Variants in PKD1 observed in about 807,000 individuals in gnomAD.
The protein encoded by PKD1 is polycystin-1.
PKD1 carries 81 observed loss-of-function variants against 361.7 expected under a neutral mutation model. That is an observed-to-expected ratio of 0.22 (90% CI 0.19 to 0.27). The LOEUF (loss-of-function observed/expected upper bound fraction) is 0.27, where lower values mean the gene tolerates loss of function less well. Ranked by LOEUF, PKD1 falls within the 10% of genes least tolerant of loss-of-function variation. The probability of loss-of-function intolerance (pLI) is 1.00; values close to 1 mark genes in which losing one functional copy is unlikely to be tolerated. For synonymous variants in PKD1, 3,615 were observed against 2,818.3 expected (o/e 1.28, Z -8.95); for missense variants, 6,399 against 6,118.3 (o/e 1.05, Z -1.53).
intron 1 of PKD1, among the ~76,000 whole-genome samples, chr16:2,128,869 A>ATT (rs58863130): frequency 2.8e-5 from 4 of 144,846 alleles, no homozygotes. Flanking sequence ...CACGCTCAGC[A>ATT]TTTTTTTTTT....
intron 22 of PKD1, 28 bp from the exon 23 acceptor site, chr16:2,103,923 A>G (rs777842293): frequency 9.8e-6 from 12 of 1,222,442 alleles, no homozygotes; most frequent in Non-Finnish European, 1.1e-5. Context: ...GTCAGTGCAG[A>G]GACAGGGAGG....
chr16:2,115,449 G>GTAGCCC lies in PKD1; in HGVS notation c.2020_2025dup (p.Gly674_Leu675dup), dbSNP rs1567212718. 1 of 1,598,890 alleles carries GTAGCCC rather than the reference G, an allele frequency of 6.3e-7. No individual in the cohort carries two copies. The highest frequency in any genetic ancestry group is 8.5e-7 in the Non-Finnish European group (1 of 1,174,378). ...CTCCATAGCGCATAGGGGGCCCCGG[G>GTAGCCC]TAGCCCTGGCCCTGACGTGCAGCCA... is the stretch of plus-strand genomic sequence containing the variant. On this transcript the variant is annotated inframe_insertion, in exon 10 of 46. Transcript: ENST00000262304.
Position 2,093,562 on chromosome 16 carries a change from C to T in PKD1, c.10998G>A (p.Arg3666=), listed in dbSNP as rs758118831. Reference sequence around the variant, plus strand: ...GGCTCACCCGCAGCATGCCATGTAGCCTCTTGACCTTGCGGGCTTCTTCCT... The same window carrying T: ...GGCTCACCCGCAGCATGCCATGTAGTCTCTTGACCTTGCGGGCTTCTTCCT... ...LAKEEARKVK[R]LHGMLRSLLV... The change falls in exon 37 of 46, where the codon AGG becomes AGA. Residue 3666 remains arginine (R), a synonymous_variant. Coordinates refer to ENST00000262304, the MANE Select transcript of PKD1 (RefSeq NM_001009944.3). The T allele has an allele frequency of 1.9e-6, 3 of 1,604,398 alleles. No individual in the cohort carries two copies. Among genetic ancestry groups the T allele is most frequent in the East Asian group, 4.5e-5 (2 of 44,600 alleles).
intron 1 of PKD1, chr16:2,120,041 G>A (rs529730022): frequency 5.0e-4 from 295 of 589,456 alleles, no homozygotes; most frequent in Non-Finnish European, 7.8e-4. Context: ...GTGAGACCCC[G>A]TATCTACAAA....
In PKD1 at chr16:2,103,288, C is replaced by T; in HGVS notation, c.8769G>A (p.Gln2923=). 1 of 1,609,706 alleles carries T rather than the reference C, an allele frequency of 6.2e-7. No individual in the cohort carries two copies. Among genetic ancestry groups the T allele is most frequent in the Non-Finnish European group, 8.5e-7 (1 of 1,179,704 alleles). The stretch of plus-strand genomic sequence containing the variant: ...CACCGTCCAGCAGCGTATAGTTGAG[C>T]TGCAGATGCAGCCCGGCCGCAGGGT... ...SSNPAAGLHL[Q]LNYTLLDGHY... The change falls in exon 23 of 46, where the codon CAG becomes CAA. Residue 2923 remains glutamine (Q), a synonymous_variant. Transcript: ENST00000262304.
chr16:2,098,164 C>G (rs1211651983), intron 30 of PKD1, 180 bp from the exon 31 acceptor site: 1 of 605,962 alleles, frequency 1.7e-6, no homozygotes, highest in African/African-American at 1.8e-5. Context: ...ACGTGTGCCA[C>G]TGAACACTTG....
At position 2,089,907 on chromosome 16, in the gene PKD1, G is replaced by A. The variant is rs1431636556; in HGVS notation, c.12732C>T (p.His4244=). ...GGCTGCTCCTGCGGCCTTGCAGGCT[G>A]TGCAGCTGCTGCTCCAGCTGGTAGA... The part of the protein sequence containing the change: ...EDVYQLEQQL[H]SLQGRRSSRA... Residue 4244 remains histidine (H), a synonymous_variant, in exon 46 of 46, where the codon CAC becomes CAT. Transcript: ENST00000262304. The A allele has an allele frequency of 3.4e-5, 54 of 1,611,648 alleles. No individual in the cohort carries two copies. Among genetic ancestry groups the A allele is most frequent in the Non-Finnish European group, 4.4e-5 (52 of 1,179,644 alleles).
chr16:2,106,624 G>A lies in PKD1; in HGVS notation c.7263C>T (p.Thr2421=), dbSNP rs1305794811. ...SNKTLVLDET[T]TSTGSAGMRL... ...GCATGCCTGCACTGCCCGTGGATGT[G>A]GTGGTCTCATCCAGCACCAGCGTCT... Residue 2421 remains threonine (T), a synonymous_variant, in exon 18 of 46, where the codon ACC becomes ACT. Coordinates refer to ENST00000262304, the MANE Select transcript of PKD1 (RefSeq NM_001009944.3). The surrounding 1 kb of genome is among the most constrained non-coding windows in gnomAD (Gnocchi z 6.5). 12 of 1,598,434 alleles carry A rather than the reference G, an allele frequency of 7.5e-6. No homozygotes were observed. Among genetic ancestry groups the A allele is most frequent in the African/African-American group, 1.3e-5 (1 of 74,806 alleles).
chr16:2,096,201 T>A (rs1390932248), intron 34 of PKD1, among the ~76,000 whole-genome samples: 1 of 152,262 alleles, frequency 6.6e-6, no homozygotes, highest in Non-Finnish European at 1.5e-5. Flanking sequence ...AGGGCGTAGT[T>A]ACCCAAACCC....
chr16:2,092,921 C>T, intron 38 of PKD1, 33 bp downstream of exon 38: 1 of 1,612,560 alleles, frequency 6.2e-7, no homozygotes, highest in Non-Finnish European at 8.5e-7. Flanking sequence ...AACTAAAGCC[C>T]AGAAGACAGA....
At chr16:2,130,108 G>A (rs1321660521) in intron 1 of PKD1, among the ~76,000 whole-genome samples, 5 of 152,196 alleles carry the variant, frequency 3.3e-5, no homozygotes, top group African/African-American at 1.2e-4. Context: ...CAAGTTTGGC[G>A]AGTTTGCATC....
rs778271516 is a variant in PKD1, at chr16:2,102,799, G to T, written c.8948+15C>A. ...TGCCCTGCCCTGCCCTGCCAGGCTG[G>T]CCCGCAGAGCTCACCCCGGGGAAAT... On this transcript the variant is annotated intron_variant, in intron 24 of 45. Transcript: ENST00000262304. 1.2e-6 allele frequency: 2 copies of T among 1,609,820 alleles called. No individual in the cohort carries two copies. Among genetic ancestry groups the T allele is most frequent in the Non-Finnish European group, 8.5e-7 (1 of 1,179,670 alleles).
chr16:2,091,184 G>C lies in PKD1; in HGVS notation c.11713-10C>G, dbSNP rs1473504987. The C allele has an allele frequency of 2.1e-6, 3 of 1,405,532 alleles. No individual in the cohort carries two copies. Among genetic ancestry groups the C allele is most frequent in the Admixed American group, 3.1e-5 (1 of 32,300 alleles). 87.1% of individuals were successfully genotyped at this position (1,405,532 alleles called of 1,614,324 possible). A position where few individuals can be genotyped will look rare whatever the true frequency, so the allele number is the denominator to read the frequency against. On this transcript the variant is annotated splice_polypyrimidine_tract_variant and intron_variant, in intron 42 of 45. Transcript: ENST00000262304. Reference sequence around the variant, plus strand: ...ACAGCAGCAGGCACACCTGTGGGGGGCGCGGTCAGGAGGGCGGGAGGGACG... The same window carrying C: ...ACAGCAGCAGGCACACCTGTGGGGGCCGCGGTCAGGAGGGCGGGAGGGACG...
In PKD1 at chr16:2,102,412, A is replaced by G. The variant is rs758627119; in HGVS notation, c.9170T>C (p.Val3057Ala). The change falls in exon 25 of 46, where the codon GTG becomes GCG. Residue 3057 changes from valine (V) to alanine (A), a missense_variant. Val to Ala is a moderately conservative substitution (Grantham distance 64). Transcript: ENST00000262304. Reference sequence around the variant, plus strand: ...CACAAAGCGGACATGGCTTGGGGGCACGAAGAGGCTGGCGCCGAAGGCGGT... The same window carrying G: ...CACAAAGCGGACATGGCTTGGGGGCGCGAAGAGGCTGGCGCCGAAGGCGGT... ...HLTAFGASLF[V>A]PPSHVRFVFP... 2 of 1,556,814 alleles carry G rather than the reference A, an allele frequency of 1.3e-6. No homozygotes were observed. The highest frequency in any genetic ancestry group is 2.3e-5 in the South Asian group (2 of 85,222).
chr16:2,133,983 C>T (rs2092919267), intron 1 of PKD1, among the ~76,000 whole-genome samples: 1 of 149,578 alleles, frequency 6.7e-6, no homozygotes, highest in South Asian at 2.1e-4. Context: ...TGAGGGGCTG[C>T]TCTCATGGAC....
Position 2,118,514 on chromosome 16 carries a change from C to G in PKD1, c.530-52G>C. The G allele has an allele frequency of 7.0e-7, 1 of 1,425,060 alleles. No homozygotes were observed. The highest frequency in any genetic ancestry group is 1.2e-5 in the South Asian group (1 of 82,654). The allele number at this position is 1,425,060 out of a possible 1,614,324, so 88.3% of individuals were successfully genotyped here. On this transcript the variant is annotated intron_variant, in intron 4 of 45. Coordinates refer to ENST00000262304, the MANE Select transcript of PKD1 (RefSeq NM_001009944.3). The surrounding 1 kb of genome is among the most constrained non-coding windows in gnomAD (Gnocchi z 6.0). Reference sequence around the variant, plus strand: ...GGTTCTGCTCCTCCTGGCTCCACCCCACGCCCCCACATCCGCCCGCCGCAC... The same window carrying G: ...GGTTCTGCTCCTCCTGGCTCCACCCGACGCCCCCACATCCGCCCGCCGCAC...
chr16:2,110,715 C>A lies in PKD1; in HGVS notation c.4452G>T (p.Pro1484=), dbSNP rs201988915. The A allele has an allele frequency of 3.0e-5, 49 of 1,609,918 alleles. No individual in the cohort carries two copies. In the South Asian group the frequency reaches 4.5e-4, roughly 15 times the overall value. Residue 1484 remains proline, a synonymous_variant, in exon 15 of 46, where the codon CCG becomes CCT. Transcript: ENST00000262304. ...CACGGCCCACAGCAGAGAACAGGTACGGCTGCTGCAGCTCCAGCCCAAGGG... is the reference window on the plus strand; with the variant it reads ...CACGGCCCACAGCAGAGAACAGGTAAGGCTGCTGCAGCTCCAGCCCAAGGG... ...NGSLGLELQQ[P]YLFSAVGRGR...
In PKD1 at chr16:2,089,919, C is replaced by T; in HGVS notation, c.12720G>A (p.Glu4240=). ...GGCCTTGCAGGCTGTGCAGCTGCTG[C>T]TCCAGCTGGTAGACGTCCTCTGTGG... ...NQATEDVYQL[E]QQLHSLQGRR... The change falls in exon 46 of 46, where the codon GAG becomes GAA. Residue 4240 remains glutamate (E), a synonymous_variant. Transcript: ENST00000262304. 2 of 1,612,080 alleles carry T rather than the reference C, an allele frequency of 1.2e-6. No individual in the cohort carries two copies. Among genetic ancestry groups the T allele is most frequent in the African/African-American group, 1.3e-5 (1 of 75,060 alleles).
chr16:2,122,207 G>A (rs1204216007), intron 1 of PKD1, among the ~76,000 whole-genome samples: 2 of 152,274 alleles, frequency 1.3e-5, no homozygotes, highest in Admixed American at 1.3e-4. Flanking sequence ...CACCTGGGCT[G>A]GGTGCCCAGA....
Sources: allele counts gnomAD v4.1 joint callset (sites outside exome capture counted in the v4.1 genomes callset), GRCh38; gene constraint gnomAD v4.1.1; non-coding constraint Gnocchi (gnomAD v3.1); transcripts MANE v1.5; gene names NCBI Gene and HGNC (gene_info 2026-07-23, HGNC 2026-07-21).